The following PDIA3 variants were observed in gnomAD, a reference collection of about 807,000 sequenced individuals.
PDIA3 encodes the protein protein disulfide-isomerase A3.
A neutral mutation model predicts 56.9 loss-of-function variants in PDIA3; 16 were observed. The observed-to-expected ratio is 0.28, with a 90% confidence interval of 0.19 to 0.43. PDIA3 has a LOEUF of 0.43. Ranked by LOEUF, PDIA3 falls within the 20% of genes least tolerant of loss-of-function variation. PDIA3 has a pLI of 1.00. For missense variants in PDIA3, 485 were observed against 621.3 expected, an observed-to-expected ratio of 0.78 and a Z score of 2.33; for synonymous variants, 192 against 216.5, an observed-to-expected ratio of 0.89 and a Z score of 0.99.
chr15:43,762,049 G>T (rs917264565), intron 4 of PDIA3, among the ~76,000 whole-genome samples: 1 of 152,150 alleles, frequency 6.6e-6, no homozygotes, highest in African/African-American at 2.4e-5. Flanking sequence ...GCTTTCTCAT[G>T]TGTTGCAGTA....
At chr15:43,765,800 C>A (rs2086844191) in intron 6 of PDIA3, 87 bp from the exon 7 acceptor site, 3 of 1,387,770 alleles carry the variant, frequency 2.2e-6, no homozygotes, top group East Asian at 2.3e-5. Flanking sequence ...CTCTTTCCTT[C>A]ATAAATGCTA....
chr15:43,756,908 A>G (rs1053749097), intron 3 of PDIA3, 142 bp downstream of exon 3: 2 of 559,518 alleles, frequency 3.6e-6, no homozygotes, highest in African/African-American at 1.9e-5. Flanking sequence ...GTGGTAACAA[A>G]AGACCTCTCT....
In PDIA3 at chr15:43,768,893, G is replaced by A. The variant is rs1011470534; in HGVS notation, c.1137+296G>A. Among the ~76,000 whole-genome samples the A allele has an allele frequency of 9.9e-5, 15 of 151,990 alleles. 1 individual carries two copies. The highest frequency in any genetic ancestry group is 2.6e-4 in the Admixed American group (4 of 15,240). On this transcript the variant is annotated intron_variant, in intron 9 of 12. Coordinates refer to ENST00000300289, the MANE Select transcript of PDIA3 (RefSeq NM_005313.5). ...AAAAAAATCAGCCGGGCATGGTGGC[G>A]GGCGCCTGTAAGCCCAGCTACTCGG...
In PDIA3 at chr15:43,772,419, G is replaced by C. The variant is rs1263442437; in HGVS notation, c.*1201G>C. 1 of 152,144 alleles carries C rather than the reference G, an allele frequency of 6.6e-6. No individual in the cohort carries two copies. Among genetic ancestry groups the C allele is most frequent in the African/African-American group, 2.4e-5 (1 of 41,428 alleles). The allele number at this position is 152,144 out of a possible 1,614,324, so 9.4% of individuals were successfully genotyped here. ...GCCTTATAGTAAAGTATGTATCTTG[G>C]TCACACACAAAGCTTGGAAAAAGTA... On this transcript the variant is annotated 3_prime_UTR_variant, in exon 13 of 13. Coordinates refer to ENST00000300289, the MANE Select transcript of PDIA3 (RefSeq NM_005313.5).
chr15:43,749,234 C>A (rs1219209409), intron 1 of PDIA3, among the ~76,000 whole-genome samples: 1 of 152,080 alleles, frequency 6.6e-6, no homozygotes, highest in Non-Finnish European at 1.5e-5. Context: ...GCTGGGATTA[C>A]AGGCACGCAC....
intron 3 of PDIA3, among the ~76,000 whole-genome samples, chr15:43,759,020 G>T (rs766813461): frequency 5.0e-4 from 76 of 152,050 alleles, no homozygotes; most frequent in Non-Finnish European, 7.5e-4. Flanking sequence ...GCCAGGCGTG[G>T]TGGCTCACGT....
At chr15:43,766,673 A>G in intron 7 of PDIA3, 55 bp from the exon 8 acceptor site, 1 of 1,450,126 alleles carries the variant, frequency 6.9e-7, no homozygotes, top group Non-Finnish European at 9.5e-7. Flanking sequence ...CTTAGTTTCA[A>G]AAGTGCTTGA....
At chr15:43,746,995 C>G (rs971621637) in intron 1 of PDIA3, 5 of 514,100 alleles carry the variant, frequency 9.7e-6, no homozygotes, top group African/African-American at 7.8e-5. Context: ...ACCCCTTCCC[C>G]CAGTCCAATA....
At position 43,746,670 on chromosome 15, in the gene PDIA3, C is replaced by T; in HGVS notation, c.131C>T (p.Ser44Phe). ...NFESRISDTGSAGLMLVEFFA... is the reference protein window; with the variant it reads ...NFESRISDTGFAGLMLVEFFA... Reference sequence around the variant, plus strand: ...GAGAGTCGCATCTCCGACACGGGCTCTGCGGGCCTCATGCTCGTCGAGTTC... The same window carrying T: ...GAGAGTCGCATCTCCGACACGGGCTTTGCGGGCCTCATGCTCGTCGAGTTC... The change falls in exon 1 of 13, where the codon TCT becomes TTT. Residue 44 changes from serine to phenylalanine, a missense_variant. Transcript: ENST00000300289. 6.2e-7 allele frequency: 1 copy of T among 1,612,978 alleles called. No individual in the cohort carries two copies. Among genetic ancestry groups the T allele is most frequent in the Non-Finnish European group, 8.5e-7 (1 of 1,179,912 alleles).
Position 43,772,846 on chromosome 15 carries a change from A to G in PDIA3, c.*1628A>G, listed in dbSNP as rs2086889389. On this transcript the variant is annotated 3_prime_UTR_variant, in exon 13 of 13. Coordinates refer to ENST00000300289, the MANE Select transcript of PDIA3 (RefSeq NM_005313.5). ...TGATGTCATTTCTCAGGACTTGAAA[A>G]TGACTTGGCTGAACTAAAGGTAAAA... 1 of 306,840 alleles carries G rather than the reference A, an allele frequency of 3.3e-6. No homozygotes were observed. The highest frequency in any genetic ancestry group is 5.9e-6 in the Non-Finnish European group (1 of 168,822). The allele number at this position is 306,840 out of a possible 1,614,324, so 19.0% of individuals were successfully genotyped here. A position where few individuals can be genotyped will look rare whatever the true frequency, so the allele number is the denominator to read the frequency against.
At chr15:43,760,827 G>A (rs1312625316) in intron 3 of PDIA3, among the ~76,000 whole-genome samples, 11 of 150,850 alleles carry the variant, frequency 7.3e-5, no homozygotes, top group African/African-American at 1.9e-4. Context: ...CACAGCACCC[G>A]GCCAAAAAAA....
At chr15:43,769,776 C>T (rs1455078423) in intron 10 of PDIA3, 130 bp downstream of exon 10, 21 of 993,010 alleles carry the variant, frequency 2.1e-5, no homozygotes, top group Non-Finnish European at 3.0e-5. Flanking sequence ...TTGCTGTTTA[C>T]TCACTTTCTC....
In PDIA3 at chr15:43,771,102, C is replaced by T; in HGVS notation, c.1405-3C>T. On this transcript the variant is annotated splice_region_variant and splice_polypyrimidine_tract_variant and intron_variant, in intron 12 of 12. Transcript: ENST00000300289. ...ACTTTTAAGCTGATCTTTCTGTTTTCAGGGTGGCCGTGAATTAAGTGATTT... is the reference window on the plus strand; with the variant it reads ...ACTTTTAAGCTGATCTTTCTGTTTTTAGGGTGGCCGTGAATTAAGTGATTT... 6.3e-7 allele frequency: 1 copy of T among 1,598,042 alleles called. No homozygotes were observed. The highest frequency in any genetic ancestry group is 8.6e-7 in the Non-Finnish European group (1 of 1,166,544).
At chr15:43,750,071 C>CTTGCTTTGG (rs1398292572) in intron 1 of PDIA3, among the ~76,000 whole-genome samples, 4 of 144,726 alleles carry the variant, frequency 2.8e-5, no homozygotes, top group African/African-American at 1.0e-4. Flanking sequence ...GCTTGCTTTG[C>CTTGCTTTGG]TTGCTTTTTT....
Position 43,771,688 on chromosome 15 carries a change from A to G in PDIA3, c.*470A>G, listed in dbSNP as rs956823255. The G allele has an allele frequency of 1.8e-5, 7 of 398,828 alleles. No homozygotes were observed. The highest frequency in any genetic ancestry group is 3.1e-5 in the Non-Finnish European group (7 of 226,478). 24.7% of individuals were successfully genotyped at this position (398,828 alleles called of 1,614,324 possible). On this transcript the variant is annotated 3_prime_UTR_variant, in exon 13 of 13. Transcript: ENST00000300289. Reference sequence around the variant, plus strand: ...AGCATCTGAAATATGGCTAGAAACTACATTTTTGTTTTGATTAATTTAAAT... The same window carrying G: ...AGCATCTGAAATATGGCTAGAAACTGCATTTTTGTTTTGATTAATTTAAAT...
At chr15:43,770,093 T>A (rs549279466) in intron 10 of PDIA3, among the ~76,000 whole-genome samples, 157 bp from the exon 11 acceptor site, 1 of 152,268 alleles carries the variant, frequency 6.6e-6, no homozygotes, top group East Asian at 1.9e-4. Flanking sequence ...TGAACAGCAG[T>A]TTATCTGCTG....
intron 1 of PDIA3, among the ~76,000 whole-genome samples, chr15:43,750,759 C>T (rs886314498): frequency 2.7e-5 from 4 of 148,854 alleles, no homozygotes; most frequent in African/African-American, 9.9e-5. Flanking sequence ...TGGGCGACAG[C>T]GAGACTCCTT....
intron 1 of PDIA3, chr15:43,747,057 A>G (rs1037959859): frequency 4.0e-6 from 1 of 248,048 alleles, no homozygotes; most frequent in African/African-American, 2.3e-5. Context: ...TCCAGTCTAC[A>G]GACTAGGCAT....
intron 4 of PDIA3, among the ~76,000 whole-genome samples, chr15:43,762,511 C>CAAAA (rs767755194): frequency 1.1e-4 from 6 of 55,960 alleles, no homozygotes; most frequent in Non-Finnish European, 2.2e-4. Flanking sequence ...AACTCTGTCG[C>CAAAA]AAAAAAAAAA....
Sources: gnomAD v4.1 joint callset for allele counts (sites outside exome capture counted in the v4.1 genomes callset) on GRCh38, gnomAD v4.1.1 for gene constraint, MANE v1.5 for transcripts, NCBI Gene and HGNC (gene_info 2026-07-23, HGNC 2026-07-21) for gene names.